The following USP34 variants were observed in gnomAD, a reference collection of about 807,000 sequenced individuals.
The protein encoded by USP34 is ubiquitin specific peptidase 34, also known as ubiquitin carboxyl-terminal hydrolase 34.
In USP34, 70 loss-of-function variants were observed where a neutral mutation model predicts 460.3. The observed-to-expected ratio is 0.15, with a 90% CI of 0.13 to 0.19. USP34 has a LOEUF of 0.19. Ranked by LOEUF, USP34 falls within the 10% of genes least tolerant of loss-of-function variation. The pLI, the probability that USP34 is intolerant of heterozygous loss-of-function variation, is 1.00. For missense variants in USP34, 3,985 were observed against 4,236.2 expected, an observed-to-expected ratio of 0.94 and a Z score of 1.65; for synonymous variants, 1,647 against 1,405.3, an observed-to-expected ratio of 1.17 and a Z score of -3.85.
chr2:61,272,426 A>C (rs956631753), intron 41 of USP34, among the ~76,000 whole-genome samples: 1 of 151,678 alleles, frequency 6.6e-6, no homozygotes. Flanking sequence ...AAAAAAAAAA[A>C]AAAAATTAGG....
At chr2:61,256,593 A>AG (rs1474281778) in intron 47 of USP34, 115 bp from the exon 48 acceptor site, 1 of 737,098 alleles carries the variant, frequency 1.4e-6, no homozygotes, top group East Asian at 3.2e-5. Flanking sequence ...TTTTTTTTAA[A>AG]AGTGAATTCT....
intron 67 of USP34, among the ~76,000 whole-genome samples, chr2:61,219,333 C>A (rs1687491940): frequency 6.6e-6 from 1 of 152,146 alleles, no homozygotes; most frequent in South Asian, 2.1e-4. Flanking sequence ...TCAGTGATTT[C>A]TCCTAGGAGC....
intron 41 of USP34, among the ~76,000 whole-genome samples, chr2:61,273,535 A>G (rs1689280621): frequency 6.6e-6 from 1 of 152,190 alleles, no homozygotes; most frequent in Non-Finnish European, 1.5e-5. Flanking sequence ...CCTGACCAAC[A>G]TGGTGAAACC....
At chr2:61,405,232 C>CAAAAA (rs199659618) in intron 3 of USP34, among the ~76,000 whole-genome samples, 24 of 78,010 alleles carry the variant, frequency 3.1e-4, no homozygotes, top group Admixed American at 3.8e-4. Flanking sequence ...GACTCCATCT[C>CAAAAA]AAAAAAAAAA....
At chr2:61,375,637 C>T (rs1261782730) in intron 8 of USP34, among the ~76,000 whole-genome samples, 3 of 151,604 alleles carry the variant, frequency 2.0e-5, no homozygotes, top group South Asian at 2.1e-4. Context: ...GAAGTGGTGG[C>T]GGGTGCCTGT....
chr2:61,263,335 A>T (rs1207342709), intron 43 of USP34, among the ~76,000 whole-genome samples: 2 of 150,272 alleles, frequency 1.3e-5, no homozygotes, highest in African/African-American at 2.5e-5. Flanking sequence ...ACCTGCCATC[A>T]TGCCTGGCTA....
At chr2:61,331,114 T>A (rs991897702) in intron 20 of USP34, among the ~76,000 whole-genome samples, 162 bp downstream of exon 20, 2 of 152,156 alleles carry the variant, frequency 1.3e-5, no homozygotes, top group African/African-American at 2.4e-5. Flanking sequence ...CCTAAGAATC[T>A]TTCAGCTTAA....
intron 5 of USP34, among the ~76,000 whole-genome samples, chr2:61,390,898 C>G (rs1199073425): frequency 2.0e-5 from 3 of 151,458 alleles, no homozygotes; most frequent in Non-Finnish European, 4.4e-5. Flanking sequence ...AGATTGAGAC[C>G]ATCCTGGCCA....
chr2:61,392,045 G>A (rs969823849), intron 5 of USP34, among the ~76,000 whole-genome samples: 7 of 152,254 alleles, frequency 4.6e-5, no homozygotes, highest in Non-Finnish European at 8.8e-5. Context: ...ATTGACAACA[G>A]CCCACCAATT....
chr2:61,229,537 G>C lies in USP34; in HGVS notation c.7199+11C>G, dbSNP rs756852139. 6.7e-7 allele frequency: 1 copy of C among 1,501,042 alleles called. No individual in the cohort carries two copies. Among genetic ancestry groups the C allele is most frequent in the Admixed American group, 1.9e-5 (1 of 54,034 alleles). 93.0% of individuals were successfully genotyped at this position (1,501,042 alleles called of 1,614,324 possible). On this transcript the variant is annotated intron_variant, in intron 59 of 79. Transcript: ENST00000398571. The stretch of plus-strand genomic sequence containing the variant: ...ACAGACACACAAACTTATTCAAAAA[G>C]TACTTCTTACCCATCTTCCATTCCT...
chr2:61,403,676 G>A (rs1171720734), intron 3 of USP34, among the ~76,000 whole-genome samples: 1 of 152,142 alleles, frequency 6.6e-6, no homozygotes, highest in Non-Finnish European at 1.5e-5. Context: ...CAGAGCAGGA[G>A]TGAGTGAAAG....
intron 21 of USP34, among the ~76,000 whole-genome samples, chr2:61,323,340 T>A (rs150692236): frequency 0.012 from 1,788 of 151,954 alleles, 32 homozygotes; most frequent in African/African-American, 0.041. Flanking sequence ...TGAAACCCCG[T>A]CTCTACTAAA....
intron 44 of USP34, among the ~76,000 whole-genome samples, chr2:61,258,864 CAGA>C (rs1370499078): frequency 2.6e-5 from 4 of 152,122 alleles, no homozygotes; most frequent in African/African-American, 4.8e-5. Context: ...GACCTTGTGA[CAGA>C]AGAAGGATGA....
chr2:61,220,151 TAAA>T (rs60784334), intron 67 of USP34, 156 bp downstream of exon 67: 607 of 168,368 alleles, frequency 3.6e-3, no homozygotes, highest in East Asian at 9.9e-3. Context: ...TTTCCTATCC[TAAA>T]AAAAAAAAAA....
At chr2:61,235,158 AATC>A (rs1476490758) in intron 57 of USP34, among the ~76,000 whole-genome samples, 1 of 152,192 alleles carries the variant, frequency 6.6e-6, no homozygotes, top group Non-Finnish European at 1.5e-5. Context: ...AATGTGGGGT[AATC>A]ATTTCAAAAT....
At chr2:61,301,262 C>T in intron 28 of USP34, 92 bp downstream of exon 28, 1 of 1,511,402 alleles carries the variant, frequency 6.6e-7, no homozygotes, top group Non-Finnish European at 9.0e-7. Flanking sequence ...TATAACAAAG[C>T]AATAAGAGCT....
In USP34 at chr2:61,394,933, T is replaced by G; in HGVS notation, c.673A>C (p.Met225Leu). 6.2e-7 allele frequency: 1 copy of G among 1,608,672 alleles called. No individual in the cohort carries two copies. Among genetic ancestry groups the G allele is most frequent in the Non-Finnish European group, 8.5e-7 (1 of 1,178,218 alleles). The change falls in exon 5 of 80, where the codon ATG (methionine) becomes CTG (leucine). Residue 225 changes from methionine to leucine, a missense_variant. This residue lies in a region of USP34 where 331 missense variants were observed against 293.7 expected (regional missense o/e 1.13). Transcript: ENST00000398571. ...LFCGKNGLSL[M>L]KDCFEYGTPE... ...GTTCCATATTCAAAGCAATCCTTCA[T>G]GAGAGAAAGGCCATTTTTCCCACAA...
rs544425076 is a variant in USP34 at position 61,375,003 on chromosome 2, G to A, written c.1076+3360C>T. Among the ~76,000 whole-genome samples the A allele has an allele frequency of 4.6e-5, 7 of 152,264 alleles. No homozygotes were observed. The East Asian group carries it at 1.4e-3, about 29-fold the overall frequency. ...CCACAGAATACCCCATACGACAACA[G>A]CAGAATGTACAGTCTTCTTAGGCAC... On this transcript the variant is annotated intron_variant, in intron 8 of 79. Coordinates refer to ENST00000398571, the MANE Select transcript of USP34 (RefSeq NM_014709.4).
intron 1 of USP34, among the ~76,000 whole-genome samples, chr2:61,445,781 T>C (rs1398563492): frequency 6.6e-6 from 1 of 151,870 alleles, no homozygotes; most frequent in Non-Finnish European, 1.5e-5. Flanking sequence ...CAGTCTCTAT[T>C]TTTAAAAATA....
Sources: allele counts gnomAD v4.1 joint callset (sites outside exome capture counted in the v4.1 genomes callset), GRCh38; gene constraint gnomAD v4.1.1; regional missense constraint gnomAD v4.1.1; transcripts MANE v1.5; gene names NCBI Gene and HGNC (gene_info 2026-07-23, HGNC 2026-07-21).